Variants in TTC34 observed in about 807,000 individuals in gnomAD.
The protein encoded by TTC34 is tetratricopeptide repeat protein 34.
In TTC34, 44 loss-of-function variants were observed where a neutral mutation model predicts 40.7. The observed-to-expected ratio is 1.08, with a 90% CI of 0.85 to 1.39. TTC34 has a LOEUF of 1.39. Among genes scored for constraint, TTC34 ranks in the 40% most tolerant of loss-of-function variants. The probability of loss-of-function intolerance (pLI) is 0.00; values close to 1 mark genes in which losing one functional copy is unlikely to be tolerated. For synonymous variants in TTC34, 422 were observed against 398.6 expected (o/e 1.06, Z -0.70); for missense variants, 884 against 838.0 (o/e 1.05, Z -0.68).
intron 6 of TTC34, among the ~76,000 whole-genome samples, chr1:2,685,038 C>G (rs1269569317): frequency 1.2e-4 from 13 of 112,998 alleles, no homozygotes; most frequent in South Asian, 8.2e-4. Flanking sequence ...GCACCCACAC[C>G]CACAGGTGAG....
exon 3 of TTC34, chr1:2,789,679 G>T: frequency 7.8e-7 from 1 of 1,278,326 alleles, no homozygotes; most frequent in East Asian, 3.2e-5. Flanking sequence ...GCGCCTCCTC[G>T]GGCCGCAGCC....
At chr1:2,768,332 G>C (rs531938713) in intron 6 of TTC34, among the ~76,000 whole-genome samples, 19 of 152,196 alleles carry the variant, frequency 1.2e-4, no homozygotes, top group African/African-American at 4.3e-4. Context: ...TGGTGTTCCG[G>C]GTTATCAGAT....
At position 2,694,733 on chromosome 1, in the gene TTC34, G is replaced by A. The variant is rs528843841; in HGVS notation, c.2227-49170C>T. Among the ~76,000 whole-genome samples the A allele has an allele frequency of 5.7e-5, 3 of 52,830 alleles. 1 individual carries two copies. The highest frequency in any genetic ancestry group is 5.7e-4 in the South Asian group (1 of 1,746). The allele number at this position is 52,830 out of a possible 152,430, so 34.7% of individuals were successfully genotyped here. On this transcript the variant is annotated intron_variant, in intron 6 of 8. Transcript: ENST00000401095. ...CAACCACAGGTGAGCATCTGACATC[G>A]TGGAGCAGCACCCCAAACCCACAGG...
intron 6 of TTC34, among the ~76,000 whole-genome samples, chr1:2,750,428 T>A (rs1641278203): frequency 9.7e-6 from 1 of 102,692 alleles, no homozygotes; most frequent in Non-Finnish European, 1.9e-5. Flanking sequence ...CGTGACAGCC[T>A]GTAACAGCAC....
chr1:2,751,297 G>A (rs1193306998), intron 6 of TTC34, among the ~76,000 whole-genome samples: 31 of 37,226 alleles, frequency 8.3e-4, no homozygotes, highest in African/African-American at 2.1e-3. Context: ...ACCCAGGTGA[G>A]CATCCGACAC....
intron 6 of TTC34, among the ~76,000 whole-genome samples, chr1:2,772,941 C>A (rs1301432528): frequency 2.2e-5 from 3 of 135,824 alleles, no homozygotes; most frequent in Admixed American, 7.5e-5. Flanking sequence ...CCCATACCCC[C>A]AGGCGAGCAT....
rs1232233364 is a variant in TTC34, at chr1:2,645,573, G to A, written c.2227-10C>T. 6.9e-7 allele frequency: 1 copy of A among 1,439,158 alleles called. No individual in the cohort carries two copies. The highest frequency in any genetic ancestry group is 9.1e-7 in the Non-Finnish European group (1 of 1,097,706). 89.1% of individuals were successfully genotyped at this position (1,439,158 alleles called of 1,614,324 possible). A position where few individuals can be genotyped will look rare whatever the true frequency, so the allele number is the denominator to read the frequency against. ...TGTCGTCCACGGCTTCCTGCAAGGA[G>A]GGAGGGCGGGCGGGTGCAGAGTTGT... On this transcript the variant is annotated splice_polypyrimidine_tract_variant and intron_variant, in intron 6 of 8. Coordinates refer to ENST00000401095, the Ensembl canonical transcript of TTC34. This position sits in a 1 kb window ranked among gnomAD's most constrained non-coding sequence, Gnocchi z 4.7.
intron 6 of TTC34, among the ~76,000 whole-genome samples, chr1:2,686,562 A>C (rs80031748): frequency 0.037 from 487 of 13,322 alleles, no homozygotes; most frequent in East Asian, 0.063. Flanking sequence ...GCACGCACAC[A>C]CCCAGGTGAG....
At position 2,660,747 on chromosome 1, in the gene TTC34, C is replaced by T. The variant is rs1411149329; in HGVS notation, c.2227-15184G>A. Among the ~76,000 whole-genome samples the T allele has an allele frequency of 4.0e-5, 4 of 100,132 alleles. 1 individual carries two copies. The highest frequency in any genetic ancestry group is 6.1e-5 in the Non-Finnish European group (3 of 49,134). The allele number at this position is 100,132 out of a possible 152,430, so 65.7% of individuals were successfully genotyped here. On this transcript the variant is annotated intron_variant, in intron 6 of 8. Transcript: ENST00000401095. ...CATCTGACATCGTGGAGCAGCACCC[C>T]ACACCCACAGGTGAGCATCTGACAG...
chr1:2,643,792 T>C (rs1291146682), intron 8 of TTC34, among the ~76,000 whole-genome samples: 1 of 152,182 alleles, frequency 6.6e-6, no homozygotes, highest in African/African-American at 2.4e-5. Flanking sequence ...AACCCGCTGG[T>C]GTCAGGAAGC....
At chr1:2,759,460 C>G (rs1641618985) in intron 6 of TTC34, among the ~76,000 whole-genome samples, 2 of 122,908 alleles carry the variant, frequency 1.6e-5, no homozygotes, top group African/African-American at 3.4e-5. Context: ...ATCTGACAGC[C>G]TGGAGCAGCA....
chr1:2,785,741 A>G, intron 5 of TTC34, 78 bp downstream of exon 5: 1 of 1,451,346 alleles, frequency 6.9e-7, no homozygotes, highest in South Asian at 1.4e-5. Context: ...GTCCCCACCA[A>G]CCAGCATGGC....
chr1:2,695,850 C>CA, intron 6 of TTC34, among the ~76,000 whole-genome samples: 1 of 150,804 alleles, frequency 6.6e-6, no homozygotes, highest in South Asian at 2.1e-4. Flanking sequence ...AGGTGAACAT[C>CA]CGACAGCCTG....
rs1170681927 is a variant in TTC34 at position 2,672,145 on chromosome 1, C to G, written c.2227-26582G>C. ...AGCATCTGACAGCCTGGGTCGGCAC[C>G]CACACCCCCAGGTGAGCATCTGACG... On this transcript the variant is annotated intron_variant, in intron 6 of 8. Transcript: ENST00000401095. Among the ~76,000 whole-genome samples the G allele has an allele frequency of 3.3e-5, 5 of 151,656 alleles. No homozygotes were observed. The East Asian group carries it at 5.8e-4, about 18-fold the overall frequency.
chr1:2,751,924 G>C (rs1190908701), intron 6 of TTC34, among the ~76,000 whole-genome samples: 371 of 16,658 alleles, frequency 0.022, no homozygotes, highest in East Asian at 0.052. Flanking sequence ...GGAGCAGCAC[G>C]CATAACCACA....
At chr1:2,751,518 C>A in intron 6 of TTC34, among the ~76,000 whole-genome samples, 1 of 75,638 alleles carries the variant, frequency 1.3e-5, no homozygotes, top group South Asian at 4.9e-4. Flanking sequence ...CCTTGAACAG[C>A]ACCCTGCACC....
intron 6 of TTC34, among the ~76,000 whole-genome samples, chr1:2,750,687 C>G (rs1215917589): frequency 0.017 from 2,238 of 131,516 alleles, 131 homozygotes; most frequent in Admixed American, 0.027. Flanking sequence ...CACCCTGCAC[C>G]CCCAAGTGAG....
intron 6 of TTC34, among the ~76,000 whole-genome samples, chr1:2,654,688 C>CGACA (rs1639277853): frequency 6.6e-6 from 1 of 150,700 alleles, no homozygotes; most frequent in African/African-American, 2.4e-5. Flanking sequence ...GAATGGCATC[C>CGACA]TCACCTCCAG....
intron 4 of TTC34, 45 bp from the exon 5 acceptor site, chr1:2,786,068 C>T (rs952144795): frequency 6.4e-6 from 9 of 1,410,404 alleles, no homozygotes; most frequent in Non-Finnish European, 8.4e-6. Context: ...GGGACCGATG[C>T]CCTGGAGCCC....
Sources: gnomAD v4.1 joint callset for allele counts (sites outside exome capture counted in the v4.1 genomes callset) on GRCh38, gnomAD v4.1.1 for gene constraint, Gnocchi (gnomAD v3.1) non-coding constraint, MANE v1.5 for transcripts, NCBI Gene and HGNC (gene_info 2026-07-23, HGNC 2026-07-21) for gene names.